Variants in DLGAP2 observed in about 807,000 individuals in gnomAD.
DLGAP2 encodes disks large-associated protein 2.
DLGAP2 carries 26 observed loss-of-function variants against 100.3 expected under a neutral mutation model. The ratio of observed to expected loss-of-function variants is 0.26; its 90% CI spans 0.19 to 0.36. The LOEUF is 0.36. DLGAP2 is among the 10% of genes least tolerant of loss of function. The probability of loss-of-function intolerance (pLI) is 1.00; values close to 1 mark genes in which losing one functional copy is unlikely to be tolerated. For missense variants in DLGAP2, 1,858 were observed against 1,453.2 expected (o/e 1.28, Z -4.53); for synonymous variants, 886 against 630.1 (o/e 1.41, Z -6.08).
chr8:757,519 G>A (rs1820951918), intron 1 of DLGAP2, among the ~76,000 whole-genome samples: 1 of 152,152 alleles, frequency 6.6e-6, no homozygotes, highest in South Asian at 2.1e-4. Context: ...GGGTTCCTAA[G>A]CATGAGCCTT....
intron 2 of DLGAP2, among the ~76,000 whole-genome samples, chr8:1,044,556 A>G (rs112372312): frequency 4.6e-5 from 7 of 152,344 alleles, no homozygotes; most frequent in African/African-American, 1.7e-4. Context: ...CAAAGTGTGC[A>G]TGTGACCTGG....
At chr8:1,626,394 T>C (rs11984926) in intron 6 of DLGAP2, among the ~76,000 whole-genome samples, 2,108 of 73,008 alleles carry the variant, frequency 0.029, 7 homozygotes, top group African/African-American at 0.13. Context: ...GTTGGACGGC[T>C]GTTCCCATCT....
chr8:1,221,667 A>T (rs774044081), intron 2 of DLGAP2, among the ~76,000 whole-genome samples: 1 of 152,220 alleles, frequency 6.6e-6, no homozygotes, highest in Non-Finnish European at 1.5e-5. Context: ...GGAAATTTTC[A>T]TGGACAGCAT....
chr8:1,558,447 C>G (rs1388781087), intron 5 of DLGAP2, among the ~76,000 whole-genome samples: 1 of 152,168 alleles, frequency 6.6e-6, no homozygotes, highest in Non-Finnish European at 1.5e-5. Flanking sequence ...TGGGCAGGAG[C>G]CTTTGCCACA....
chr8:1,567,263 C>G (rs951338168), intron 6 of DLGAP2, among the ~76,000 whole-genome samples: 1 of 152,204 alleles, frequency 6.6e-6, no homozygotes, highest in African/African-American at 2.4e-5. Flanking sequence ...ATTTGGCACA[C>G]TTAAAGACAT....
chr8:757,450 A>C (rs1820950232), intron 1 of DLGAP2, among the ~76,000 whole-genome samples: 1 of 152,092 alleles, frequency 6.6e-6, no homozygotes, highest in South Asian at 2.1e-4. Context: ...TGTTTTGAGG[A>C]CTGTTGCTCT....
intron 2 of DLGAP2, among the ~76,000 whole-genome samples, chr8:1,084,525 T>A (rs2701944): frequency 0.29 from 44,321 of 152,100 alleles, 6,939 homozygotes; most frequent in Admixed American, 0.35. Flanking sequence ...GGGCACCATT[T>A]CTCCCTCCCC....
intron 2 of DLGAP2, among the ~76,000 whole-genome samples, chr8:1,087,074 T>A (rs1803996973): frequency 6.6e-6 from 1 of 152,152 alleles, no homozygotes; most frequent in African/African-American, 2.4e-5. Context: ...ACCACAATGA[T>A]ATGAAACTAG....
At chr8:758,384 A>C (rs62485573) in intron 1 of DLGAP2, among the ~76,000 whole-genome samples, 2,536 of 152,266 alleles carry the variant, frequency 0.017, 34 homozygotes, top group Middle Eastern at 0.041. Flanking sequence ...TAAAAACTTA[A>C]AAATGATTTA....
At chr8:957,446 C>T (rs1799621858) in intron 2 of DLGAP2, among the ~76,000 whole-genome samples, 1 of 152,308 alleles carries the variant, frequency 6.6e-6, no homozygotes, top group African/African-American at 2.4e-5. Context: ...ACCCGTGACT[C>T]CATTATGCTC....
At chr8:1,128,453 G>A (rs951456012) in intron 2 of DLGAP2, among the ~76,000 whole-genome samples, 2 of 152,222 alleles carry the variant, frequency 1.3e-5, no homozygotes, top group Admixed American at 6.5e-5. Context: ...TGTTTAGCTG[G>A]GCTTAGATGT....
intron 2 of DLGAP2, among the ~76,000 whole-genome samples, chr8:918,449 T>A (rs73673029): frequency 0.072 from 11,000 of 152,258 alleles, 525 homozygotes; most frequent in Admixed American, 0.13. Context: ...GTTTTCTGAT[T>A]GTGTAGACTG....
intron 2 of DLGAP2, among the ~76,000 whole-genome samples, chr8:989,277 T>G (rs1160120071): frequency 6.6e-6 from 1 of 152,054 alleles, no homozygotes; most frequent in Non-Finnish European, 1.5e-5. Flanking sequence ...CCCACTTCAC[T>G]CACCCACATC....
chr8:1,680,070 CTT>C (rs1416556287), intron 12 of DLGAP2, among the ~76,000 whole-genome samples: 1 of 150,404 alleles, frequency 6.6e-6, no homozygotes, highest in Non-Finnish European at 1.5e-5. Context: ...TACCACCTGT[CTT>C]TGTTTATAGA....
intron 5 of DLGAP2, among the ~76,000 whole-genome samples, chr8:1,560,365 G>A (rs918768567): frequency 7.2e-5 from 11 of 152,062 alleles, no homozygotes; most frequent in East Asian, 1.9e-4. Flanking sequence ...TTTCGCCCTC[G>A]TGAGCATCTT....
chr8:1,140,469 C>T (rs563182926), intron 2 of DLGAP2, among the ~76,000 whole-genome samples: 6 of 152,278 alleles, frequency 3.9e-5, no homozygotes, highest in Middle Eastern at 6.8e-3. Context: ...TGGTGCCCTT[C>T]GGAGGCCCCT....
intron 3 of DLGAP2, among the ~76,000 whole-genome samples, chr8:1,492,384 C>G (rs1009649841): frequency 2.0e-5 from 3 of 152,192 alleles, no homozygotes; most frequent in Admixed American, 6.5e-5. Flanking sequence ...AATGTAGGCT[C>G]GAGCGTGCTT....
chr8:1,327,224 G>T lies in DLGAP2; in HGVS notation c.106+68341G>T, dbSNP rs539077308. 5.3e-5 allele frequency among the ~76,000 whole-genome samples: 8 copies of T among 152,346 alleles called. No homozygotes were observed. In the South Asian group the frequency reaches 1.0e-3, roughly 20 times the overall value. On this transcript the variant is annotated intron_variant, in intron 3 of 14. Coordinates refer to ENST00000637795, the MANE Select transcript of DLGAP2 (RefSeq NM_001346810.2). ...TGTGTATTTCTTTGCAATTTTACAG[G>T]TAAGGCTGAGCTAAGTGACCAACCA...
At chr8:1,362,104 G>A (rs1383707548) in intron 3 of DLGAP2, among the ~76,000 whole-genome samples, 2 of 228 alleles carry the variant, frequency 8.8e-3, no homozygotes, top group East Asian at 0.12. Flanking sequence ...GACTCGGGGA[G>A]TTAGCGTACT....
Sources: allele counts gnomAD v4.1 joint callset (sites outside exome capture counted in the v4.1 genomes callset), GRCh38; gene constraint gnomAD v4.1.1; transcripts MANE v1.5; gene names NCBI Gene and HGNC (gene_info 2026-07-23, HGNC 2026-07-21).